NRG1: variants seen among roughly 807,000 people sequenced by gnomAD.
NRG1 encodes neuregulin 1, also known as pro-neuregulin-1, membrane-bound isoform.
A neutral mutation model predicts 63.8 loss-of-function variants in NRG1; 18 were observed. That is an observed-to-expected ratio of 0.28 (90% CI 0.19 to 0.42). The LOEUF is 0.42. Ranked by LOEUF, NRG1 falls within the 10% of genes least tolerant of loss-of-function variation. NRG1 has a pLI of 1.00. For missense variants in NRG1, 762 were observed against 814.7 expected, an observed-to-expected ratio of 0.94 and a Z score of 0.79; for synonymous variants, 302 against 301.3, an observed-to-expected ratio of 1.00 and a Z score of -0.02.
chr8:32,115,616 C>T (rs7815480), intron 1 of NRG1, among the ~76,000 whole-genome samples: 102,773 of 151,894 alleles, frequency 0.68, 36,214 homozygotes, highest in African/African-American at 0.88. Context: ...GAAGGAAATC[C>T]GCATGTAAGT....
intron 1 of NRG1, among the ~76,000 whole-genome samples, chr8:31,977,460 T>G (rs187101673): frequency 1.4e-4 from 21 of 152,200 alleles, no homozygotes; most frequent in African/African-American, 4.8e-4. Context: ...TTATTTCTAG[T>G]GCCGCCATCT....
chr8:32,684,892 T>C (rs1414186670), intron 5 of NRG1, among the ~76,000 whole-genome samples: 2 of 152,120 alleles, frequency 1.3e-5, no homozygotes, highest in Admixed American at 1.3e-4. Context: ...TTAGAGTAAG[T>C]CTAGCTGAAA....
intron 3 of NRG1, among the ~76,000 whole-genome samples, chr8:32,609,552 CTCCTTCCTTCCTTCCT>C (rs750000111): frequency 0.042 from 3,480 of 83,192 alleles, 241 homozygotes; most frequent in East Asian, 0.29. Context: ...CCTTCCCTCC[CTCCTTCCTTCCTTCCT>C]TCCTTCCTTC....
At chr8:31,697,606 C>T (rs536864917) in intron 1 of NRG1, among the ~76,000 whole-genome samples, 75 of 152,086 alleles carry the variant, frequency 4.9e-4, no homozygotes, top group African/African-American at 1.5e-3. Context: ...GAAGGGAAGC[C>T]GGGTCAGGAA....
At chr8:32,415,506 TC>T (rs1815762751) in intron 1 of NRG1, among the ~76,000 whole-genome samples, 2 of 152,174 alleles carry the variant, frequency 1.3e-5, no homozygotes, top group African/African-American at 4.8e-5. Flanking sequence ...TGATTTTTTT[TC>T]CTTGGGTTGT....
At chr8:32,156,753 A>G (rs1228932164) in intron 1 of NRG1, among the ~76,000 whole-genome samples, 1 of 152,214 alleles carries the variant, frequency 6.6e-6, no homozygotes, top group Non-Finnish European at 1.5e-5. Flanking sequence ...CCTGGCTAAC[A>G]TAATGAGACC....
intron 1 of NRG1, among the ~76,000 whole-genome samples, chr8:31,998,163 A>G (rs1306842394): frequency 6.6e-6 from 1 of 152,022 alleles, no homozygotes; most frequent in Non-Finnish European, 1.5e-5. Flanking sequence ...TGGGTAACAC[A>G]AGGTGAAATG....
intron 6 of NRG1, among the ~76,000 whole-genome samples, chr8:32,740,534 C>T (rs1204337865): frequency 6.6e-6 from 1 of 152,082 alleles, no homozygotes. Context: ...CTCAAGGTAG[C>T]TCTTCCTCTA....
At chr8:32,624,181 A>G (rs1433098381) in intron 5 of NRG1, among the ~76,000 whole-genome samples, 1 of 152,138 alleles carries the variant, frequency 6.6e-6, no homozygotes, top group Non-Finnish European at 1.5e-5. Context: ...GAGAAAGTCT[A>G]CTCCTTATCT....
In NRG1 at chr8:32,694,951, G is replaced by A. The variant is rs867786021; in HGVS notation, c.503-32998G>A. Among the ~76,000 whole-genome samples, 5 of 152,272 alleles carry A rather than the reference G, an allele frequency of 3.3e-5. No homozygotes were observed. In the Middle Eastern group the frequency reaches 0.014, roughly 414 times the overall value. ...CTTTGAGTCAACTCTGACGGGACCTGGCATGGTGCCCTGCAATTACTGATG... is the reference window on the plus strand; with the variant it reads ...CTTTGAGTCAACTCTGACGGGACCTAGCATGGTGCCCTGCAATTACTGATG... On this transcript the variant is annotated intron_variant, in intron 5 of 11. Coordinates refer to ENST00000356819, the Ensembl canonical transcript of NRG1.
intron 1 of NRG1, among the ~76,000 whole-genome samples, chr8:32,126,671 C>G (rs968559169): frequency 1.3e-5 from 2 of 151,908 alleles, no homozygotes; most frequent in Non-Finnish European, 2.9e-5. Context: ...AACAATGACC[C>G]AGCCCATGGT....
intron 5 of NRG1, among the ~76,000 whole-genome samples, chr8:32,633,708 T>G (rs1370974154): frequency 2.0e-5 from 3 of 152,146 alleles, no homozygotes; most frequent in African/African-American, 7.2e-5. Context: ...AGAATTTAAA[T>G]ATCACAGAAG....
At chr8:32,521,079 A>G (rs1325757996) in intron 1 of NRG1, among the ~76,000 whole-genome samples, 2 of 152,210 alleles carry the variant, frequency 1.3e-5, no homozygotes, top group African/African-American at 4.8e-5. Flanking sequence ...TACTGTGACT[A>G]ATTTATAAAC....
At chr8:32,655,042 C>G (rs1272362300) in intron 5 of NRG1, among the ~76,000 whole-genome samples, 2 of 152,100 alleles carry the variant, frequency 1.3e-5, no homozygotes, top group Non-Finnish European at 2.9e-5. Context: ...ATATACATGT[C>G]TTGAGGCTGT....
chr8:32,433,306 G>A (rs1818390519), intron 1 of NRG1, among the ~76,000 whole-genome samples: 1 of 152,158 alleles, frequency 6.6e-6, no homozygotes, highest in South Asian at 2.1e-4. Flanking sequence ...CCTCCAGTTA[G>A]CAAAGAGGTG....
At chr8:32,616,920 T>A in intron 5 of NRG1, 35 bp downstream of exon 5, 1 of 1,468,514 alleles carries the variant, frequency 6.8e-7, no homozygotes, top group South Asian at 1.1e-5. Flanking sequence ...CACTGGTTTT[T>A]AACCCAAGGC....
chr8:31,686,157 T>C (rs2131093132), intron 1 of NRG1, among the ~76,000 whole-genome samples: 1 of 152,316 alleles, frequency 6.6e-6, no homozygotes, highest in Middle Eastern at 3.4e-3. Context: ...TAATAAGGTA[T>C]GAATTTTGTT....
At chr8:32,180,449 T>G (rs954608948) in intron 1 of NRG1, among the ~76,000 whole-genome samples, 1 of 152,060 alleles carries the variant, frequency 6.6e-6, no homozygotes, top group Non-Finnish European at 1.5e-5. Context: ...AATTGAAAAA[T>G]AGCTTAAATA....
intron 1 of NRG1, among the ~76,000 whole-genome samples, chr8:31,913,431 G>T (rs1302425719): frequency 6.6e-6 from 1 of 152,100 alleles, no homozygotes; most frequent in Non-Finnish European, 1.5e-5. Context: ...TTTTGTCCAT[G>T]TCTTTCAAAT....
Sources: gnomAD v4.1 joint callset for allele counts (sites outside exome capture counted in the v4.1 genomes callset) on GRCh38, gnomAD v4.1.1 for gene constraint, MANE v1.5 for transcripts, NCBI Gene and HGNC (gene_info 2026-07-23, HGNC 2026-07-21) for gene names.